The following NRXN3 variants were observed in gnomAD, a reference collection of about 807,000 sequenced individuals.
The protein encoded by NRXN3 is neurexin 3.
In NRXN3, 32 loss-of-function variants were observed where a neutral mutation model predicts 137.6. The ratio of observed to expected loss-of-function variants is 0.23; its 90% confidence interval spans 0.18 to 0.31. NRXN3 has a LOEUF of 0.31. NRXN3 is among the 10% of genes least tolerant of loss of function. NRXN3 has a pLI of 1.00. For synonymous variants in NRXN3, 798 were observed against 784.5 expected (o/e 1.02, Z -0.29); for missense variants, 1,574 against 2,062.5 (o/e 0.76, Z 4.59).
At chr14:79,435,139 G>A (rs944562117) in intron 15 of NRXN3, among the ~76,000 whole-genome samples, 13 of 152,158 alleles carry the variant, frequency 8.5e-5, no homozygotes, top group African/African-American at 2.9e-4. Flanking sequence ...GAATGCCCCT[G>A]GCAGTCCACT....
At chr14:79,280,600 T>C in intron 15 of NRXN3, 7 of 1,439,428 alleles carry the variant, frequency 4.9e-6, no homozygotes, top group Non-Finnish European at 6.7e-6. Context: ...CCACTAGCCT[T>C]GCAGGTAGTG....
intron 15 of NRXN3, among the ~76,000 whole-genome samples, chr14:79,285,321 T>A (rs2082058660): frequency 1.3e-5 from 2 of 152,214 alleles, no homozygotes; most frequent in South Asian, 4.1e-4. Context: ...AATGAACTTA[T>A]CAGCCCAAAG....
intron 19 of NRXN3, among the ~76,000 whole-genome samples, chr14:79,772,823 C>T (rs1161337595): frequency 6.6e-6 from 1 of 152,100 alleles, no homozygotes; most frequent in Admixed American, 6.5e-5. Context: ...AAGAAACTAC[C>T]ATCAGAGTGA....
At chr14:79,044,448 A>G (rs2099629787) in intron 15 of NRXN3, among the ~76,000 whole-genome samples, 1 of 152,160 alleles carries the variant, frequency 6.6e-6, no homozygotes. Context: ...TTTCATGTGT[A>G]AGACAAGGGA....
At chr14:79,174,501 T>TATATATA (rs2062100837) in intron 15 of NRXN3, among the ~76,000 whole-genome samples, 9 of 143,514 alleles carry the variant, frequency 6.3e-5, no homozygotes, top group African/African-American at 1.5e-4. Context: ...ATTGAAAGTT[T>TATATATA]TATATATATA....
At chr14:79,244,668 A>T (rs1216916606) in intron 15 of NRXN3, among the ~76,000 whole-genome samples, 1 of 152,128 alleles carries the variant, frequency 6.6e-6, no homozygotes, top group African/African-American at 2.4e-5. Flanking sequence ...AGACAACAAG[A>T]TGTGCTGAGG....
At chr14:79,391,885 C>CT (rs1398276128) in intron 15 of NRXN3, among the ~76,000 whole-genome samples, 1 of 152,186 alleles carries the variant, frequency 6.6e-6, no homozygotes, top group African/African-American at 2.4e-5. Flanking sequence ...AAGAGAGATG[C>CT]TAACTTTTTC....
At chr14:79,462,902 A>G (rs552797525) in intron 15 of NRXN3, among the ~76,000 whole-genome samples, 3 of 152,094 alleles carry the variant, frequency 2.0e-5, no homozygotes, top group Admixed American at 1.3e-4. Flanking sequence ...ATGTATATGT[A>G]TATGTACATA....
intron 15 of NRXN3, among the ~76,000 whole-genome samples, chr14:79,347,786 A>G (rs2153381366): frequency 6.6e-6 from 1 of 152,280 alleles, no homozygotes; most frequent in South Asian, 2.1e-4. Flanking sequence ...TGATAGGAAA[A>G]GGTGATGAAC....
At chr14:78,627,413 A>G (rs892832991) in intron 4 of NRXN3, among the ~76,000 whole-genome samples, 2 of 152,140 alleles carry the variant, frequency 1.3e-5, no homozygotes, top group Admixed American at 6.5e-5. Context: ...AGAAAAGGCA[A>G]CTTACATGAA....
intron 15 of NRXN3, among the ~76,000 whole-genome samples, chr14:79,423,297 A>T (rs1424994260): frequency 1.3e-5 from 2 of 152,160 alleles, no homozygotes; most frequent in Non-Finnish European, 2.9e-5. Flanking sequence ...ATAGTCTTTC[A>T]CTTTCCATTT....
At chr14:79,267,930 TG>T (rs767330663) in intron 15 of NRXN3, among the ~76,000 whole-genome samples, 19 of 152,238 alleles carry the variant, frequency 1.2e-4, no homozygotes, top group Non-Finnish European at 2.5e-4. Flanking sequence ...CTTAAAAGAA[TG>T]GGGCTCTCAT....
chr14:78,536,015 C>G (rs934836238), intron 4 of NRXN3, among the ~76,000 whole-genome samples: 2 of 152,040 alleles, frequency 1.3e-5, no homozygotes, highest in African/African-American at 4.8e-5. Context: ...ACTCATGATT[C>G]CTAATTCTTA....
At chr14:78,974,729 T>C (rs1392766629) in intron 14 of NRXN3, among the ~76,000 whole-genome samples, 3 of 152,184 alleles carry the variant, frequency 2.0e-5, no homozygotes, top group South Asian at 4.1e-4. Flanking sequence ...CCCTGTTTTA[T>C]AGGAAAAGCT....
intron 19 of NRXN3, among the ~76,000 whole-genome samples, chr14:79,706,951 C>G (rs766938375): frequency 1.3e-5 from 2 of 152,110 alleles, no homozygotes; most frequent in African/African-American, 2.4e-5. Context: ...CACTCTTAAC[C>G]TGTCTATTCT....
At chr14:79,278,830 T>C (rs1340523922) in intron 15 of NRXN3, among the ~76,000 whole-genome samples, 1 of 152,154 alleles carries the variant, frequency 6.6e-6, no homozygotes, top group East Asian at 1.9e-4. Flanking sequence ...GGAGGGGCCC[T>C]GGGCATTTTA....
intron 4 of NRXN3, among the ~76,000 whole-genome samples, chr14:78,621,875 T>C (rs2097408097): frequency 6.6e-6 from 1 of 151,600 alleles, no homozygotes; most frequent in Admixed American, 6.6e-5. Flanking sequence ...GCTTGACACT[T>C]ATTACCTTAC....
intron 15 of NRXN3, among the ~76,000 whole-genome samples, chr14:79,046,376 T>C (rs1343213264): frequency 2.0e-5 from 3 of 152,176 alleles, no homozygotes; most frequent in Admixed American, 6.5e-5. Flanking sequence ...TGGAGCAAGG[T>C]CTAGAAGCTC....
intron 15 of NRXN3, among the ~76,000 whole-genome samples, chr14:79,414,921 CT>C (rs928926881): frequency 2.0e-5 from 3 of 152,080 alleles, no homozygotes; most frequent in African/African-American, 7.2e-5. Context: ...ATACATTCAA[CT>C]TTTTTAGATT....
Sources: allele counts gnomAD v4.1 joint callset (sites outside exome capture counted in the v4.1 genomes callset), GRCh38; gene constraint gnomAD v4.1.1; transcripts MANE v1.5; gene names NCBI Gene and HGNC (gene_info 2026-07-23, HGNC 2026-07-21).